KCNQ3: variants seen among roughly 807,000 people sequenced by gnomAD.
KCNQ3 encodes potassium voltage-gated channel subfamily Q member 3.
KCNQ3 carries 30 observed loss-of-function variants against 92.5 expected under a neutral mutation model. That is an observed-to-expected ratio of 0.32 (90% confidence interval 0.24 to 0.44). The LOEUF is 0.44. Ranked by LOEUF, KCNQ3 falls within the 20% of genes least tolerant of loss-of-function variation. KCNQ3 has a pLI of 1.00. For synonymous variants in KCNQ3, 450 were observed against 468.8 expected (o/e 0.96, Z 0.52); for missense variants, 913 against 1,140.3 (o/e 0.80, Z 2.87).
intron 1 of KCNQ3, among the ~76,000 whole-genome samples, chr8:132,248,693 C>T (rs1331244467): frequency 6.6e-6 from 1 of 152,224 alleles, no homozygotes; most frequent in African/African-American, 2.4e-5. Flanking sequence ...CTCTTCCAGT[C>T]CCACCAGAAC....
At chr8:132,389,678 A>G (rs1819996848) in intron 1 of KCNQ3, among the ~76,000 whole-genome samples, 1 of 152,234 alleles carries the variant, frequency 6.6e-6, no homozygotes, top group Non-Finnish European at 1.5e-5. Context: ...AAAAGTGAGC[A>G]ACCCCAGAAG....
chr8:132,311,983 A>C (rs1287022529), intron 1 of KCNQ3, among the ~76,000 whole-genome samples: 6 of 43,362 alleles, frequency 1.4e-4, no homozygotes, highest in Non-Finnish European at 2.4e-4. Flanking sequence ...GGAGACACAG[A>C]AACTCAGAAG....
At chr8:132,458,367 A>G (rs763337695) in intron 1 of KCNQ3, among the ~76,000 whole-genome samples, 1 of 152,290 alleles carries the variant, frequency 6.6e-6, no homozygotes, top group Non-Finnish European at 1.5e-5. Context: ...CCAAGCTTCC[A>G]GAACCAGAGG....
Position 132,186,073 on chromosome 8 carries a change from C to T in KCNQ3, c.477+18G>A. The T allele has an allele frequency of 6.3e-7, 1 of 1,590,166 alleles. No individual in the cohort carries two copies. The highest frequency in any genetic ancestry group is 8.6e-7 in the Non-Finnish European group (1 of 1,158,514). On this transcript the variant is annotated intron_variant, in intron 2 of 14. Coordinates refer to ENST00000388996, the MANE Select transcript of KCNQ3 (RefSeq NM_004519.4). ...TGGAAGCCCAACCAGAAGCATTTACCCCAGAATGCAATCTTACCAGTAACA... is the reference window on the plus strand; with the variant it reads ...TGGAAGCCCAACCAGAAGCATTTACTCCAGAATGCAATCTTACCAGTAACA...
Position 132,298,363 on chromosome 8 carries a change from G to A in KCNQ3, c.387-112182C>T, listed in dbSNP as rs17598448. Among the ~76,000 whole-genome samples the A allele has an allele frequency of 9.6e-3, 1,459 of 152,258 alleles. 8 individuals are homozygous for A. The highest frequency in any genetic ancestry group is 0.014 in the African/African-American group (571 of 41,550). ...AGAGATGTTTTGAAAACACAGAGAC[G>A]GGCCATCTAACTGGAGAAGGTAGGG... On this transcript the variant is annotated intron_variant, in intron 1 of 14. Transcript: ENST00000388996.
At chr8:132,453,046 G>A (rs995331008) in intron 1 of KCNQ3, among the ~76,000 whole-genome samples, 15 of 152,274 alleles carry the variant, frequency 9.9e-5, no homozygotes, top group African/African-American at 3.6e-4. Context: ...AGCCCCTCCT[G>A]GATCCGAAAG....
chr8:132,142,924 T>C (rs947802710), intron 9 of KCNQ3, among the ~76,000 whole-genome samples: 3 of 152,316 alleles, frequency 2.0e-5, no homozygotes, highest in Admixed American at 1.3e-4. Context: ...TCGTCTGTCA[T>C]GGCGGCCTAA....
At chr8:132,329,707 C>A (rs1276922751) in intron 1 of KCNQ3, among the ~76,000 whole-genome samples, 1 of 152,190 alleles carries the variant, frequency 6.6e-6, no homozygotes, top group African/African-American at 2.4e-5. Context: ...CGGTCCCTCC[C>A]AGATCTGCTC....
At chr8:132,468,950 C>G (rs1312342807) in intron 1 of KCNQ3, among the ~76,000 whole-genome samples, 1 of 152,198 alleles carries the variant, frequency 6.6e-6, no homozygotes, top group Non-Finnish European at 1.5e-5. Context: ...AGAGAAAACG[C>G]TTCAAACAAC....
chr8:132,437,217 C>T (rs1821418064), intron 1 of KCNQ3, among the ~76,000 whole-genome samples: 1 of 151,144 alleles, frequency 6.6e-6, no homozygotes, highest in Admixed American at 6.6e-5. Context: ...GGGGCGGAGC[C>T]TGCAGTGAGC....
chr8:132,362,301 G>A (rs1161632585), intron 1 of KCNQ3, among the ~76,000 whole-genome samples: 2 of 152,136 alleles, frequency 1.3e-5, no homozygotes, highest in African/African-American at 2.4e-5. Context: ...AACATGGGGT[G>A]TTATTTTTCT....
At chr8:132,401,181 A>T (rs1229610813) in intron 1 of KCNQ3, among the ~76,000 whole-genome samples, 3 of 152,176 alleles carry the variant, frequency 2.0e-5, no homozygotes, top group Admixed American at 2.0e-4. Flanking sequence ...AGCCAGCCAC[A>T]TAGAGACTGA....
At chr8:132,137,548 A>T (rs545807642) in intron 12 of KCNQ3, among the ~76,000 whole-genome samples, 4 of 152,246 alleles carry the variant, frequency 2.6e-5, no homozygotes, top group Non-Finnish European at 5.9e-5. Flanking sequence ...TGTATTGAGA[A>T]TTAATTAGGC....
intron 1 of KCNQ3, among the ~76,000 whole-genome samples, chr8:132,196,551 G>A (rs768996124): frequency 3.9e-5 from 6 of 152,142 alleles, no homozygotes; most frequent in Non-Finnish European, 8.8e-5. Flanking sequence ...TTTTCCTCTT[G>A]GGATCACAGT....
intron 1 of KCNQ3, among the ~76,000 whole-genome samples, chr8:132,375,986 G>C (rs1011301672): frequency 6.6e-6 from 1 of 152,302 alleles, no homozygotes; most frequent in Admixed American, 6.5e-5. Context: ...TTGAGGGCAG[G>C]GGGGTGTCTT....
At chr8:132,428,235 CTCTT>C (rs1415101390) in intron 1 of KCNQ3, among the ~76,000 whole-genome samples, 1 of 152,156 alleles carries the variant, frequency 6.6e-6, no homozygotes, top group Non-Finnish European at 1.5e-5. Context: ...CCACCCCCTC[CTCTT>C]TAAGATCTTC....
chr8:132,405,744 C>G (rs1488156589), intron 1 of KCNQ3, among the ~76,000 whole-genome samples: 1 of 152,196 alleles, frequency 6.6e-6, no homozygotes, highest in Non-Finnish European at 1.5e-5. Context: ...ATTCCATCAA[C>G]ATTTCTTCAT....
chr8:132,377,834 G>T (rs982421559), intron 1 of KCNQ3, among the ~76,000 whole-genome samples: 3 of 152,266 alleles, frequency 2.0e-5, no homozygotes, highest in Admixed American at 2.0e-4. Flanking sequence ...TTTCTTAGAA[G>T]ATTATGTCAA....
rs755765285 is a variant in KCNQ3, at chr8:132,249,964, G to A, written c.387-63783C>T. Among the ~76,000 whole-genome samples, 207 of 152,268 alleles carry A rather than the reference G, an allele frequency of 1.4e-3. 4 individuals carry two copies. The highest frequency in any genetic ancestry group is 3.4e-3 in the Middle Eastern group (1 of 294). ...GGCCGCTCCAAGTGAAGGACCTGCC[G>A]AGCCCATGCCCACCCGGAACTTGCG... On this transcript the variant is annotated intron_variant, in intron 1 of 14. Transcript: ENST00000388996.
Sources: allele counts gnomAD v4.1 joint callset (sites outside exome capture counted in the v4.1 genomes callset), GRCh38; gene constraint gnomAD v4.1.1; transcripts MANE v1.5; gene names NCBI Gene and HGNC (gene_info 2026-07-23, HGNC 2026-07-21).